The following CACNG6 variants were observed in gnomAD, a reference collection of about 807,000 sequenced individuals.
CACNG6 encodes the protein calcium voltage-gated channel auxiliary subunit gamma 6.
A neutral mutation model predicts 23.9 loss-of-function variants in CACNG6; 21 were observed. The ratio of observed to expected loss-of-function variants is 0.88; its 90% confidence interval spans 0.62 to 1.26. The LOEUF (loss-of-function observed/expected upper bound fraction) is 1.26, where lower values mean the gene tolerates loss of function less well. Among genes scored for constraint, CACNG6 ranks in the 50% most tolerant of loss-of-function variants. The probability of loss-of-function intolerance (pLI) is 0.00; values close to 1 mark genes in which losing one functional copy is unlikely to be tolerated. For synonymous variants in CACNG6, 182 were observed against 168.9 expected, an observed-to-expected ratio of 1.08 and a Z score of -0.60; for missense variants, 340 against 352.9, an observed-to-expected ratio of 0.96 and a Z score of 0.29.
chr19:53,991,486 C>A (rs2069457923), upstream of CACNG6, among the ~76,000 whole-genome samples: 1 of 152,084 alleles, frequency 6.6e-6, no homozygotes, highest in Admixed American at 6.6e-5. Flanking sequence ...CCTTCCTCGT[C>A]CCCTTAAAAC....
At chr19:54,005,455 T>C (rs1335614477) in intron 3 of CACNG6, among the ~76,000 whole-genome samples, 1 of 146,602 alleles carries the variant, frequency 6.8e-6, no homozygotes, top group Non-Finnish European at 1.5e-5. Context: ...TAGATAAAAA[T>C]TTAAAAATAA....
rs1407611283 is a variant in CACNG6 at position 53,993,090 on chromosome 19, C to T, written c.213C>T (p.Asn71=). Residue 71 remains asparagine, a synonymous_variant, in exon 1 of 4, where the codon AAC becomes AAT. Coordinates refer to ENST00000252729, the MANE Select transcript of CACNG6 (RefSeq NM_145814.2). ...TGGAGCTCAACACCTACAAGGCCAA[C>T]GGCAGCGCCGTGTGCGAAGCGGCCC... ...FWVELNTYKA[N]GSAVCEAAHL... The T allele has an allele frequency of 5.2e-6, 8 of 1,544,990 alleles. No homozygotes were observed. The South Asian group carries it at 6.0e-5, about 12-fold the overall frequency.
At position 53,998,572 on chromosome 19, in the gene CACNG6, C is replaced by T. The variant is rs556128821; in HGVS notation, c.406+259C>T. Among the ~76,000 whole-genome samples the T allele has an allele frequency of 4.1e-5, 6 of 146,756 alleles. No homozygotes were observed. In the South Asian group the frequency reaches 1.3e-3, roughly 31 times the overall value. ...TGTCACCCAGGCTGGAGTGCAGTGG[C>T]ACAATCTCGGCTCACTGCAACCTCC... is the stretch of plus-strand genomic sequence containing the variant. On this transcript the variant is annotated intron_variant, in intron 2 of 3. Transcript: ENST00000252729.
Position 54,012,548 on chromosome 19 carries a change from T to G in CACNG6, c.*359T>G. The stretch of plus-strand genomic sequence containing the variant: ...CCTTCATTTCCCAGGTCTGGATCGA[T>G]TCACTTGCCGGGAGAGACTTTTTAC... On this transcript the variant is annotated 3_prime_UTR_variant, in exon 4 of 4. Transcript: ENST00000252729. The G allele has an allele frequency of 5.2e-6, 1 of 193,270 alleles. No homozygotes were observed. Among genetic ancestry groups the G allele is most frequent in the Non-Finnish European group, 1.0e-5 (1 of 95,748 alleles). The allele number at this position is 193,270 out of a possible 1,614,324, so 12.0% of individuals were successfully genotyped here. A position where few individuals can be genotyped will look rare whatever the true frequency, so the allele number is the denominator to read the frequency against.
In CACNG6 at chr19:54,012,340, A is replaced by AT; in HGVS notation, c.*152dup. The AT allele has an allele frequency of 2.2e-6, 1 of 461,438 alleles. No homozygotes were observed. Among genetic ancestry groups the AT allele is most frequent in the East Asian group, 3.2e-5 (1 of 31,288 alleles). 28.6% of individuals were successfully genotyped at this position (461,438 alleles called of 1,614,324 possible). A position where few individuals can be genotyped will look rare whatever the true frequency, so the allele number is the denominator to read the frequency against. On this transcript the variant is annotated 3_prime_UTR_variant, in exon 4 of 4. Transcript: ENST00000252729. ...TTACACGCCTGCCTCCTGTCCCCTT[A>AT]TCCTTTCTCCCTCTGTAAATACGTT... is the stretch of plus-strand genomic sequence containing the variant.
chr19:54,011,823 A>G, intron 3 of CACNG6, 128 bp from the exon 4 acceptor site: 1 of 443,826 alleles, frequency 2.3e-6, no homozygotes, highest in Non-Finnish European at 3.7e-6. Context: ...GGTGTTTAGT[A>G]AGTATTTGTT....
intron 3 of CACNG6, among the ~76,000 whole-genome samples, chr19:54,008,782 G>A (rs1439570299): frequency 6.6e-6 from 1 of 152,108 alleles, no homozygotes; most frequent in East Asian, 1.9e-4. Flanking sequence ...TCCACCCCTG[G>A]GTGCCACTCT....
intron 3 of CACNG6, among the ~76,000 whole-genome samples, chr19:54,008,351 TCAAAA>T (rs769323813): frequency 2.6e-5 from 4 of 151,804 alleles, no homozygotes; most frequent in Non-Finnish European, 5.9e-5. Flanking sequence ...AGATTCCGAC[TCAAAA>T]CAAAACCAAA....
intron 3 of CACNG6, among the ~76,000 whole-genome samples, chr19:54,005,650 G>A (rs2069635424): frequency 6.6e-6 from 1 of 151,714 alleles, no homozygotes; most frequent in African/African-American, 2.4e-5. Context: ...CTACTAAGGA[G>A]GCTGAGGCAG....
chr19:54,000,263 A>G (rs1568814007), intron 3 of CACNG6, among the ~76,000 whole-genome samples: 2 of 152,150 alleles, frequency 1.3e-5, no homozygotes, highest in Admixed American at 6.5e-5. Flanking sequence ...GTCCCCAAAC[A>G]CTGTTTCATG....
At chr19:54,003,349 C>A (rs1828250000) in intron 3 of CACNG6, among the ~76,000 whole-genome samples, 1 of 151,968 alleles carries the variant, frequency 6.6e-6, no homozygotes. Context: ...ACCCGCATGC[C>A]TTTTTATTTA....
intron 3 of CACNG6, among the ~76,000 whole-genome samples, chr19:54,006,476 G>T (rs1414638893): frequency 6.7e-6 from 1 of 149,472 alleles, no homozygotes; most frequent in Non-Finnish European, 1.5e-5. Context: ...TCTTCACATG[G>T]TCTTCCCTCT....
chr19:54,010,719 C>T (rs1283100257), intron 3 of CACNG6, among the ~76,000 whole-genome samples: 6 of 151,966 alleles, frequency 3.9e-5, no homozygotes, highest in Non-Finnish European at 5.9e-5. Context: ...GGACTACAAG[C>T]GTGCACCACC....
chr19:54,011,760 T>C (rs968193998), intron 3 of CACNG6, among the ~76,000 whole-genome samples, 191 bp from the exon 4 acceptor site: 2 of 129,100 alleles, frequency 1.5e-5, no homozygotes, highest in Non-Finnish European at 3.4e-5. Flanking sequence ...CTTTGTGTCT[T>C]GTTTTTTTTT....
chr19:54,005,208 C>G (rs1480874384), intron 3 of CACNG6, among the ~76,000 whole-genome samples: 1 of 59,112 alleles, frequency 1.7e-5, no homozygotes, highest in African/African-American at 5.0e-5. Context: ...GACTCCATCT[C>G]AAAAATAAAT....
intron 1 of CACNG6, among the ~76,000 whole-genome samples, chr19:53,993,647 C>T (rs1324890944): frequency 6.7e-6 from 1 of 149,912 alleles, no homozygotes; most frequent in Non-Finnish European, 1.5e-5. Flanking sequence ...CCATCCTGTA[C>T]CCCGACTATC....
chr19:54,001,173 G>T (rs1241725385), intron 3 of CACNG6, among the ~76,000 whole-genome samples: 1 of 149,130 alleles, frequency 6.7e-6, no homozygotes, highest in Non-Finnish European at 1.5e-5. Flanking sequence ...TGGATCAAAT[G>T]TTTTCTTTTC....
intron 3 of CACNG6, among the ~76,000 whole-genome samples, chr19:54,002,498 T>A (rs1439224727): frequency 2.7e-5 from 4 of 145,868 alleles, no homozygotes; most frequent in South Asian, 2.2e-4. Context: ...TTTTTTTTTT[T>A]ACTTGTCCAT....
chr19:54,009,941 T>A (rs2069687672), intron 3 of CACNG6, among the ~76,000 whole-genome samples: 2 of 150,816 alleles, frequency 1.3e-5, no homozygotes, highest in African/African-American at 2.4e-5. Flanking sequence ...AAATAAAAAA[T>A]AAAAAATTGC....
Sources: allele counts gnomAD v4.1 joint callset (sites outside exome capture counted in the v4.1 genomes callset), GRCh38; gene constraint gnomAD v4.1.1; transcripts MANE v1.5; gene names NCBI Gene and HGNC (gene_info 2026-07-23, HGNC 2026-07-21).